The following NELL1 variants were observed in gnomAD, a reference collection of about 807,000 sequenced individuals.
NELL1 encodes the protein neural EGFL like 1, also known as protein kinase C-binding protein NELL1.
NELL1 carries 76 observed loss-of-function variants against 107.4 expected under a neutral mutation model. The ratio of observed to expected loss-of-function variants is 0.71; its 90% CI spans 0.59 to 0.86. The LOEUF is 0.86. Among genes scored for constraint, NELL1 ranks in the 40% least tolerant of loss-of-function variants. The probability of loss-of-function intolerance (pLI) is 0.00; values close to 1 mark genes in which losing one functional copy is unlikely to be tolerated. For missense variants in NELL1, 1,024 were observed against 1,005.5 expected (o/e 1.02, Z -0.25); for synonymous variants, 353 against 341.2 (o/e 1.03, Z -0.38).
intron 2 of NELL1, among the ~76,000 whole-genome samples, chr11:20,692,196 T>C (rs1354636601): frequency 1.3e-5 from 2 of 152,156 alleles, no homozygotes; most frequent in Non-Finnish European, 2.9e-5. Context: ...TTAGTCTTGC[T>C]AGCAGTTTAT....
chr11:21,507,034 G>A (rs528054975), intron 15 of NELL1, among the ~76,000 whole-genome samples: 3 of 146,004 alleles, frequency 2.1e-5, no homozygotes, highest in African/African-American at 7.5e-5. Flanking sequence ...CATGTAATGT[G>A]TTCTCCAAAT....
At chr11:20,723,037 A>G (rs1590234287) in intron 2 of NELL1, among the ~76,000 whole-genome samples, 2 of 152,300 alleles carry the variant, frequency 1.3e-5, no homozygotes, top group African/African-American at 2.4e-5. Context: ...ACTCATTATC[A>G]TGAGAACAGC....
intron 2 of NELL1, among the ~76,000 whole-genome samples, chr11:20,722,641 A>G (rs1486329019): frequency 2.0e-5 from 3 of 152,172 alleles, no homozygotes; most frequent in Non-Finnish European, 2.9e-5. Context: ...GAACACAATA[A>G]ATATGAGACA....
At chr11:20,990,398 T>C in intron 12 of NELL1, among the ~76,000 whole-genome samples, 1 of 152,216 alleles carries the variant, frequency 6.6e-6, no homozygotes, top group East Asian at 1.9e-4. Flanking sequence ...CAAGGCTAGT[T>C]ACCTTTCACA....
At chr11:21,550,481 G>A (rs1426957932) in intron 16 of NELL1, among the ~76,000 whole-genome samples, 1 of 152,056 alleles carries the variant, frequency 6.6e-6, no homozygotes, top group Admixed American at 6.6e-5. Flanking sequence ...TAGGTCTAAT[G>A]TTTAAGTCTT....
intron 15 of NELL1, among the ~76,000 whole-genome samples, chr11:21,408,241 A>G (rs1054176386): frequency 2.6e-5 from 4 of 152,042 alleles, no homozygotes; most frequent in Admixed American, 2.0e-4. Flanking sequence ...TTCTCATTAT[A>G]GTAGCTCCCA....
chr11:21,063,135 A>C (rs1366054298), intron 12 of NELL1, among the ~76,000 whole-genome samples: 1 of 152,064 alleles, frequency 6.6e-6, no homozygotes, highest in African/African-American at 2.4e-5. Context: ...AATGTGAGCC[A>C]CTGGGCCCAG....
At chr11:21,125,133 C>CCT (rs1348119657) in intron 13 of NELL1, among the ~76,000 whole-genome samples, 1 of 152,146 alleles carries the variant, frequency 6.6e-6, no homozygotes, top group Non-Finnish European at 1.5e-5. Context: ...TACCACACTA[C>CCT]CTCTCATAAG....
intron 12 of NELL1, among the ~76,000 whole-genome samples, chr11:21,008,097 GT>G (rs1195798652): frequency 6.6e-6 from 1 of 152,064 alleles, no homozygotes; most frequent in Non-Finnish European, 1.5e-5. Flanking sequence ...GGTAAAAGAG[GT>G]TGGACTCGCT....
intron 12 of NELL1, among the ~76,000 whole-genome samples, chr11:20,969,300 A>G (rs970730870): frequency 2.6e-5 from 4 of 152,150 alleles, no homozygotes; most frequent in East Asian, 1.9e-4. Context: ...CAAAATTCAC[A>G]GTTTCCCCTG....
intron 11 of NELL1, among the ~76,000 whole-genome samples, chr11:20,952,101 C>T (rs1241251681): frequency 2.0e-5 from 3 of 151,946 alleles, no homozygotes; most frequent in African/African-American, 7.2e-5. Flanking sequence ...TTCTCAGGAC[C>T]ACTCCAGGAA....
intron 15 of NELL1, among the ~76,000 whole-genome samples, chr11:21,429,935 A>AT (rs1852925825): frequency 6.6e-6 from 1 of 152,230 alleles, no homozygotes; most frequent in Admixed American, 6.5e-5. Flanking sequence ...GTAAAATGGT[A>AT]TAAGAATAGC....
intron 13 of NELL1, among the ~76,000 whole-genome samples, chr11:21,143,666 C>G (rs193101591): frequency 6.6e-6 from 1 of 152,184 alleles, no homozygotes; most frequent in African/African-American, 2.4e-5. Context: ...TGAGCCCTAA[C>G]TCACTGGAAT....
intron 12 of NELL1, among the ~76,000 whole-genome samples, chr11:21,094,353 T>A (rs984121151): frequency 6.6e-6 from 1 of 152,246 alleles, no homozygotes; most frequent in Non-Finnish European, 1.5e-5. Flanking sequence ...TTTCACAGGC[T>A]GGCATTGAGT....
intron 13 of NELL1, among the ~76,000 whole-genome samples, chr11:21,217,396 G>T (rs1901944): frequency 0.04 from 6,114 of 152,156 alleles, 376 homozygotes; most frequent in East Asian, 0.32. Context: ...GTACATTGGG[G>T]GAAGCTGGGT....
intron 12 of NELL1, among the ~76,000 whole-genome samples, chr11:21,088,486 T>G (rs1273796482): frequency 6.6e-6 from 1 of 152,170 alleles, no homozygotes; most frequent in Non-Finnish European, 1.5e-5. Flanking sequence ...ATATGTCCTT[T>G]CTATCACCAC....
chr11:21,426,360 G>C (rs1852822494), intron 15 of NELL1, among the ~76,000 whole-genome samples: 1 of 151,998 alleles, frequency 6.6e-6, no homozygotes, highest in African/African-American at 2.4e-5. Flanking sequence ...AATATATAGT[G>C]GCTGAATAAA....
intron 13 of NELL1, among the ~76,000 whole-genome samples, chr11:21,212,259 A>T (rs1857513608): frequency 6.6e-6 from 1 of 152,212 alleles, no homozygotes; most frequent in African/African-American, 2.4e-5. Flanking sequence ...CTTAATTGAT[A>T]TGGATGATAT....
intron 4 of NELL1, among the ~76,000 whole-genome samples, chr11:20,876,181 A>G (rs1406902911): frequency 6.6e-6 from 1 of 152,192 alleles, no homozygotes; most frequent in Non-Finnish European, 1.5e-5. Context: ...CCCATGCTCT[A>G]TGTGGATTTA....
Sources: allele counts gnomAD v4.1 joint callset (sites outside exome capture counted in the v4.1 genomes callset), GRCh38; gene constraint gnomAD v4.1.1; transcripts MANE v1.5; gene names NCBI Gene and HGNC (gene_info 2026-07-23, HGNC 2026-07-21).